The following FAT3 variants were observed in gnomAD, a reference collection of about 807,000 sequenced individuals.
FAT3 encodes the protein protocadherin Fat 3.
A neutral mutation model predicts 310.2 loss-of-function variants in FAT3; 95 were observed. The observed-to-expected ratio is 0.31, with a 90% CI of 0.26 to 0.36. The LOEUF is 0.36. FAT3 is among the 10% of genes least tolerant of loss of function. The probability of loss-of-function intolerance (pLI) is 1.00; values close to 1 mark genes in which losing one functional copy is unlikely to be tolerated. For synonymous variants in FAT3, 2,314 were observed against 2,192.9 expected, an observed-to-expected ratio of 1.06 and a Z score of -1.54; for missense variants, 5,408 against 5,715.6, an observed-to-expected ratio of 0.95 and a Z score of 1.74.
At chr11:92,415,044 T>C (rs1218369544) in intron 2 of FAT3, among the ~76,000 whole-genome samples, 1 of 152,054 alleles carries the variant, frequency 6.6e-6, no homozygotes, top group East Asian at 1.9e-4. Flanking sequence ...TACACTTACT[T>C]AGATACATTT....
intron 3 of FAT3, among the ~76,000 whole-genome samples, chr11:92,572,271 T>C (rs923683906): frequency 6.6e-6 from 1 of 152,224 alleles, no homozygotes; most frequent in Admixed American, 6.5e-5. Flanking sequence ...GGTTACAGTA[T>C]CATTCTATCA....
intron 3 of FAT3, among the ~76,000 whole-genome samples, chr11:92,588,454 A>T (rs887858055): frequency 2.0e-5 from 3 of 152,046 alleles, no homozygotes; most frequent in Non-Finnish European, 4.4e-5. Flanking sequence ...CCCTCTTGGC[A>T]ACTTCCTACT....
At chr11:92,758,972 T>TG (rs1591694441) in intron 4 of FAT3, among the ~76,000 whole-genome samples, 1 of 152,082 alleles carries the variant, frequency 6.6e-6, no homozygotes, top group East Asian at 1.9e-4. Context: ...ACTTTTGGGG[T>TG]GCTAGGATCC....
intron 4 of FAT3, among the ~76,000 whole-genome samples, chr11:92,717,183 A>T (rs1944717396): frequency 6.6e-6 from 1 of 152,176 alleles, no homozygotes; most frequent in Non-Finnish European, 1.5e-5. Flanking sequence ...ACGTCAAAAA[A>T]TCCTCCATGT....
At chr11:92,377,096 C>T (rs1486255843) in intron 2 of FAT3, among the ~76,000 whole-genome samples, 4 of 152,058 alleles carry the variant, frequency 2.6e-5, no homozygotes, top group Admixed American at 2.6e-4. Context: ...ACAGTCTGTA[C>T]GTGTAAGACT....
At chr11:92,275,925 A>C (rs1256899262) in intron 1 of FAT3, among the ~76,000 whole-genome samples, 3 of 94,892 alleles carry the variant, frequency 3.2e-5, no homozygotes, top group Non-Finnish European at 4.6e-5. Context: ...TAAGATTTGA[A>C]TAAATTTTCA....
intron 7 of FAT3, among the ~76,000 whole-genome samples, chr11:92,777,893 G>A (rs569929994): frequency 1.3e-5 from 2 of 152,128 alleles, no homozygotes; most frequent in African/African-American, 4.8e-5. Flanking sequence ...CCTATCATCT[G>A]TTAGCTTCTC....
chr11:92,890,025 G>A (rs1949880965), intron 27 of FAT3, 134 bp downstream of exon 27: 5 of 707,650 alleles, frequency 7.1e-6, no homozygotes, highest in South Asian at 6.0e-5. Flanking sequence ...GCTCAGTATT[G>A]GAGGTGAAAG....
intron 3 of FAT3, among the ~76,000 whole-genome samples, chr11:92,668,655 G>A (rs1164710667): frequency 1.3e-5 from 2 of 152,156 alleles, no homozygotes; most frequent in Non-Finnish European, 2.9e-5. Context: ...CCTTCCTGCA[G>A]GACCTTCATG....
chr11:92,401,385 G>T (rs964836319), intron 2 of FAT3, among the ~76,000 whole-genome samples: 4 of 152,100 alleles, frequency 2.6e-5, no homozygotes, highest in Non-Finnish European at 5.9e-5. Flanking sequence ...CTCTAACAAA[G>T]ACCTCATCTC....
At chr11:92,764,396 C>G (rs1946249355) in intron 5 of FAT3, among the ~76,000 whole-genome samples, 1 of 152,094 alleles carries the variant, frequency 6.6e-6, no homozygotes, top group African/African-American at 2.4e-5. Context: ...CTGCGAAACA[C>G]AACCACACAC....
At chr11:92,551,656 A>G (rs993923220) in intron 3 of FAT3, among the ~76,000 whole-genome samples, 9 of 152,152 alleles carry the variant, frequency 5.9e-5, no homozygotes, top group Non-Finnish European at 1.0e-4. Context: ...GTACTTGGTT[A>G]TGTTATTAGA....
intron 3 of FAT3, among the ~76,000 whole-genome samples, chr11:92,594,419 G>A (rs1435030523): frequency 2.0e-5 from 3 of 152,188 alleles, no homozygotes; most frequent in African/African-American, 7.2e-5. Context: ...ACCACCCTGA[G>A]TGACAGAGTG....
chr11:92,805,566 C>T (rs567455292), intron 11 of FAT3, among the ~76,000 whole-genome samples: 3 of 108,704 alleles, frequency 2.8e-5, no homozygotes, highest in Admixed American at 9.4e-5. Context: ...ACCCTGCCCC[C>T]AACAAAAAAA....
At chr11:92,232,795 A>T (rs958297063) in intron 1 of FAT3, among the ~76,000 whole-genome samples, 1 of 152,118 alleles carries the variant, frequency 6.6e-6, no homozygotes, top group Non-Finnish European at 1.5e-5. Context: ...AAAAACAACA[A>T]TTGGGAGGTA....
At chr11:92,527,571 G>C (rs942944593) in intron 3 of FAT3, among the ~76,000 whole-genome samples, 2 of 152,180 alleles carry the variant, frequency 1.3e-5, no homozygotes, top group African/African-American at 4.8e-5. Flanking sequence ...ACAGAGTTCT[G>C]TAAGAGTCAT....
chr11:92,719,005 A>G (rs533180838), intron 4 of FAT3, among the ~76,000 whole-genome samples: 60 of 152,332 alleles, frequency 3.9e-4, no homozygotes, highest in African/African-American at 1.4e-3. Flanking sequence ...TCCCATCACC[A>G]GAACACCATG....
At chr11:92,571,253 C>T (rs1237207193) in intron 3 of FAT3, among the ~76,000 whole-genome samples, 3 of 152,116 alleles carry the variant, frequency 2.0e-5, no homozygotes, top group Admixed American at 1.3e-4. Context: ...GAGTGAGGCT[C>T]TGGTGGGATT....
chr11:92,551,445 T>TGTGTGTGTG (rs370180754), intron 3 of FAT3, among the ~76,000 whole-genome samples: 3 of 151,362 alleles, frequency 2.0e-5, no homozygotes, highest in African/African-American at 2.4e-5. Flanking sequence ...TGTGTGTGTG[T>TGTGTGTGTG]TTTCTCATCA....
Sources: allele counts gnomAD v4.1 joint callset (sites outside exome capture counted in the v4.1 genomes callset), GRCh38; gene constraint gnomAD v4.1.1; transcripts MANE v1.5; gene names NCBI Gene and HGNC (gene_info 2026-07-23, HGNC 2026-07-21).